Variants in PIK3R6 observed in about 807,000 individuals in gnomAD.
PIK3R6 encodes the protein phosphoinositide 3-kinase regulatory subunit 6.
PIK3R6 carries 91 observed loss-of-function variants against 84.9 expected under a neutral mutation model. The ratio of observed to expected loss-of-function variants is 1.07; its 90% CI spans 0.90 to 1.28. PIK3R6 has a LOEUF of 1.28. Ranked by LOEUF, PIK3R6 falls within the 50% of genes most tolerant of loss-of-function variation. The pLI is 0.00. For missense variants in PIK3R6, 996 were observed against 985.1 expected (o/e 1.01, Z -0.15); for synonymous variants, 416 against 411.4 (o/e 1.01, Z -0.13).
intron 18 of PIK3R6, among the ~76,000 whole-genome samples, chr17:8,808,692 G>T (rs1440906482): frequency 1.3e-5 from 2 of 152,176 alleles, no homozygotes; most frequent in Non-Finnish European, 2.9e-5. Flanking sequence ...ACACAGATTT[G>T]GGAGGACTTA....
chr17:8,824,649 G>A (rs1465155325), intron 13 of PIK3R6, among the ~76,000 whole-genome samples: 1 of 152,192 alleles, frequency 6.6e-6, no homozygotes, highest in African/African-American at 2.4e-5. Flanking sequence ...CAAGGAGAAG[G>A]GGAAAACCAA....
chr17:8,856,269 C>T (rs1219654130), intron 1 of PIK3R6, among the ~76,000 whole-genome samples: 1 of 152,184 alleles, frequency 6.6e-6, no homozygotes, highest in Non-Finnish European at 1.5e-5. Context: ...CCAGTTTCCC[C>T]CCAGTGATAA....
At chr17:8,829,197 A>ACT (rs554388177) in intron 10 of PIK3R6, among the ~76,000 whole-genome samples, 1 of 140,082 alleles carries the variant, frequency 7.1e-6, no homozygotes, top group African/African-American at 2.7e-5. Context: ...AGACATACAC[A>ACT]CACGTGCACA....
At chr17:8,857,458 AC>A (rs1043332388) in intron 1 of PIK3R6, among the ~76,000 whole-genome samples, 1 of 139,542 alleles carries the variant, frequency 7.2e-6, no homozygotes, top group Non-Finnish European at 1.6e-5. Context: ...ACCTCACAGA[AC>A]CCCCCTCTGT....
intron 9 of PIK3R6, 100 bp downstream of exon 9, chr17:8,832,789 G>T: frequency 6.4e-7 from 1 of 1,561,956 alleles, no homozygotes. Flanking sequence ...CAGGCACCCA[G>T]ACAGAGGCAG....
At position 8,864,857 on chromosome 17, in the gene PIK3R6, G is replaced by A. The variant is rs371295185; in HGVS notation, c.-92+2672C>T. On this transcript the variant is annotated intron_variant, in intron 1 of 19. Coordinates refer to ENST00000619866, the MANE Select transcript of PIK3R6 (RefSeq NM_001010855.4). Reference sequence around the variant, plus strand: ...CAGCCCCTTCACAGTTCCTGGCAGAGGGATGAGATCAGAGACAAAGAATGA... The same window carrying A: ...CAGCCCCTTCACAGTTCCTGGCAGAAGGATGAGATCAGAGACAAAGAATGA... Among the ~76,000 whole-genome samples, 25 of 152,224 alleles carry A rather than the reference G, an allele frequency of 1.6e-4. No individual in the cohort carries two copies. The South Asian group carries it at 3.9e-3, about 24-fold the overall frequency.
At chr17:8,823,600 G>A (rs1401598738) in intron 13 of PIK3R6, 103 bp from the exon 14 acceptor site, 2 of 753,896 alleles carry the variant, frequency 2.7e-6, no homozygotes, top group African/African-American at 3.5e-5. Context: ...TCTCTGGGAT[G>A]CACTAACCCA....
chr17:8,804,804 C>T (rs1229331324), intron 18 of PIK3R6, among the ~76,000 whole-genome samples: 2 of 152,224 alleles, frequency 1.3e-5, no homozygotes, highest in Non-Finnish European at 2.9e-5. Context: ...GGGTAATTTA[C>T]AACCACAGAA....
intron 2 of PIK3R6, among the ~76,000 whole-genome samples, chr17:8,847,434 AC>A (rs2088838459): frequency 6.6e-6 from 1 of 152,164 alleles, no homozygotes; most frequent in Non-Finnish European, 1.5e-5. Context: ...TAAATATTTT[AC>A]TTCTCAGGTA....
chr17:8,836,749 G>A (rs1229937931), intron 6 of PIK3R6, 42 bp downstream of exon 6: 1 of 1,610,842 alleles, frequency 6.2e-7, no homozygotes, highest in Admixed American at 1.7e-5. Flanking sequence ...GGGCAATGTT[G>A]GAGGTGCAGC....
intron 18 of PIK3R6, among the ~76,000 whole-genome samples, chr17:8,807,677 G>A (rs2087243392): frequency 6.6e-6 from 1 of 152,136 alleles, no homozygotes; most frequent in South Asian, 2.1e-4. Flanking sequence ...GTGACTTCAG[G>A]AACACTTCCC....
chr17:8,865,301 A>G (rs1164137347), intron 1 of PIK3R6, among the ~76,000 whole-genome samples: 2 of 152,112 alleles, frequency 1.3e-5, no homozygotes, highest in East Asian at 3.9e-4. Context: ...AGCTGTTCAG[A>G]CAGAAGAACC....
chr17:8,811,313 C>T lies in PIK3R6; in HGVS notation c.1996-7160G>A, dbSNP rs145705364. On this transcript the variant is annotated intron_variant, in intron 18 of 19. Transcript: ENST00000619866. ...GCCCAGCCCATGAAACCATTTTTTC[C>T]TCCTAGGTCTCAGGGTCTGTGATGG... Among the ~76,000 whole-genome samples, 1,014 of 148,484 alleles carry T rather than the reference C, an allele frequency of 6.8e-3. 114 individuals carry two copies. Among genetic ancestry groups the T allele is most frequent in the African/African-American group, 0.024 (965 of 39,896 alleles).
intron 1 of PIK3R6, among the ~76,000 whole-genome samples, chr17:8,850,840 G>A (rs992217114): frequency 7.9e-5 from 12 of 152,060 alleles, no homozygotes; most frequent in Admixed American, 3.9e-4. Flanking sequence ...CCCCTGTGTC[G>A]CACATGGTTT....
At position 8,837,770 on chromosome 17, in the gene PIK3R6, C is replaced by A. The variant is rs371373983; in HGVS notation, c.258+33G>T. 4.8e-4 allele frequency: 763 copies of A among 1,581,302 alleles called. 7 individuals are homozygous for A. Among genetic ancestry groups the A allele is most frequent in the Non-Finnish European group, 9.3e-5 (107 of 1,151,578 alleles). On this transcript the variant is annotated intron_variant, in intron 5 of 19. Coordinates refer to ENST00000619866, the MANE Select transcript of PIK3R6 (RefSeq NM_001010855.4). The stretch of plus-strand genomic sequence containing the variant: ...GTCCAGCCCAGCCACATGCAGGTCA[C>A]CACTACCACCTCGACCTCAGTCCCC...
At position 8,823,428 on chromosome 17, in the gene PIK3R6, T is replaced by C. The variant is rs759604733; in HGVS notation, c.1585A>G (p.Met529Val). 13 of 1,560,420 alleles carry C rather than the reference T, an allele frequency of 8.3e-6. No homozygotes were observed. Among genetic ancestry groups the C allele is most frequent in the Non-Finnish European group, 1.0e-5 (12 of 1,154,550 alleles). ...ILDVITYYIR[M>V]GTQPIYFQIY... The stretch of plus-strand genomic sequence containing the variant: ...TGGAAATAGATGGGTTGGGTGCCCA[T>C]GCGGATGTAGTAGGTGATGACGTCT... The change falls in exon 14 of 20, where the codon ATG becomes GTG. Residue 529 changes from methionine (M) to valine (V), a missense_variant. Physicochemically the swap from Met to Val is conservative, Grantham distance 21. Coordinates refer to ENST00000619866, the MANE Select transcript of PIK3R6 (RefSeq NM_001010855.4).
chr17:8,839,110 G>A lies in PIK3R6; in HGVS notation c.98-455C>T, dbSNP rs1316901323. Among the ~76,000 whole-genome samples, 1 of 152,220 alleles carries A rather than the reference G, an allele frequency of 6.6e-6. No individual in the cohort carries two copies. The highest frequency in any genetic ancestry group is 6.5e-5 in the Admixed American group (1 of 15,284). On this transcript the variant is annotated intron_variant, in intron 3 of 19. Transcript: ENST00000619866. This position sits in a 1 kb window ranked among gnomAD's most constrained non-coding sequence, Gnocchi z 4.2. ...TGCCTGCAATCCCAGCACTTTGGGA[G>A]GCTGAGACAGGCGGGTCACTTGCGG... is the stretch of plus-strand genomic sequence containing the variant.
intron 13 of PIK3R6, among the ~76,000 whole-genome samples, chr17:8,825,150 G>A (rs1276246187): frequency 6.6e-6 from 1 of 152,144 alleles, no homozygotes; most frequent in East Asian, 1.9e-4. Flanking sequence ...GACAGAAGCT[G>A]TATGACGCAA....
At chr17:8,866,309 G>A (rs572224351) in intron 1 of PIK3R6, among the ~76,000 whole-genome samples, 18 of 152,212 alleles carry the variant, frequency 1.2e-4, no homozygotes, top group African/African-American at 4.1e-4. Flanking sequence ...AGGCCGAGGT[G>A]GGTGGATCAC....
Sources: gnomAD v4.1 joint callset for allele counts (sites outside exome capture counted in the v4.1 genomes callset) on GRCh38, gnomAD v4.1.1 for gene constraint, Gnocchi (gnomAD v3.1) non-coding constraint, MANE v1.5 for transcripts, NCBI Gene and HGNC (gene_info 2026-07-23, HGNC 2026-07-21) for gene names.